Variants in SV2C observed in about 807,000 individuals in gnomAD.
SV2C encodes solute carrier family 22 member B3.
A neutral mutation model predicts 79.7 loss-of-function variants in SV2C; 49 were observed. The observed-to-expected ratio is 0.61, with a 90% CI of 0.49 to 0.78. SV2C has a LOEUF of 0.78. Among genes scored for constraint, SV2C ranks in the 30% least tolerant of loss-of-function variants. The pLI is 0.00. For synonymous variants in SV2C, 334 were observed against 333.2 expected (o/e 1.00, Z -0.03); for missense variants, 833 against 912.9 (o/e 0.91, Z 1.13).
intron 8 of SV2C, 91 bp from the exon 9 acceptor site, chr5:76,295,687 G>A (rs968388991): frequency 2.3e-6 from 3 of 1,284,312 alleles, no homozygotes; most frequent in Non-Finnish European, 3.2e-6. Context: ...CATTCTCCGG[G>A]AACTATTACC....
the SV2C span, among the ~76,000 whole-genome samples, chr5:75,978,470 T>C: frequency 1.3e-5 from 2 of 152,216 alleles, no homozygotes; most frequent in African/African-American, 2.4e-5. Context: ...CCATCAATTC[T>C]AAGACACACT....
the SV2C span, among the ~76,000 whole-genome samples, chr5:75,853,994 C>CAA: frequency 8.2e-5 from 10 of 121,648 alleles, no homozygotes; most frequent in South Asian, 5.8e-4. Context: ...CATCTATCAC[C>CAA]AAAAAAAAAA....
intron 1 of SV2C, among the ~76,000 whole-genome samples, chr5:76,110,440 A>T (rs192440241): frequency 6.6e-6 from 1 of 152,316 alleles, no homozygotes; most frequent in Non-Finnish European, 1.5e-5. Context: ...CTGCATTTTC[A>T]TATGAAGTTA....
intron 2 of SV2C, among the ~76,000 whole-genome samples, chr5:76,185,318 T>C (rs944974469): frequency 1.3e-5 from 2 of 152,220 alleles, no homozygotes; most frequent in South Asian, 2.1e-4. Context: ...TCTACCATTC[T>C]GGGTTCTGGA....
chr5:76,294,304 C>CTCT (rs1747667732), intron 8 of SV2C, among the ~76,000 whole-genome samples: 1 of 129,522 alleles, frequency 7.7e-6, no homozygotes, highest in Non-Finnish European at 1.6e-5. Context: ...TTCTCTCTCT[C>CTCT]TTTTTTTTTT....
chr5:76,256,018 T>C (rs1412738920), intron 4 of SV2C, among the ~76,000 whole-genome samples: 1 of 152,228 alleles, frequency 6.6e-6, no homozygotes, highest in Non-Finnish European at 1.5e-5. Flanking sequence ...GTTGTTTTTA[T>C]GAAATGCAAG....
chr5:76,085,326 A>G (rs1422841385), intron 1 of SV2C, among the ~76,000 whole-genome samples: 1 of 152,206 alleles, frequency 6.6e-6, no homozygotes, highest in Non-Finnish European at 1.5e-5. Context: ...AATATGCCGC[A>G]TTCCTCTTTC....
At chr5:75,906,315 T>G in the SV2C span, among the ~76,000 whole-genome samples, 1 of 152,162 alleles carries the variant, frequency 6.6e-6, no homozygotes, top group East Asian at 1.9e-4. Flanking sequence ...GCCAGGAAAT[T>G]TTCTTACCTC....
At chr5:76,191,227 A>G (rs976187806) in intron 2 of SV2C, among the ~76,000 whole-genome samples, 1 of 150,878 alleles carries the variant, frequency 6.6e-6, no homozygotes, top group African/African-American at 2.4e-5. Flanking sequence ...GAAAAGCAAA[A>G]GGGAAATCTA....
At chr5:76,231,168 C>A (rs556024688) in intron 4 of SV2C, among the ~76,000 whole-genome samples, 1 of 152,282 alleles carries the variant, frequency 6.6e-6, no homozygotes, top group African/African-American at 2.4e-5. Flanking sequence ...CCTTCAAAGA[C>A]CTAAGTGTTA....
the SV2C span, among the ~76,000 whole-genome samples, chr5:76,058,228 A>G: frequency 6.6e-6 from 1 of 152,088 alleles, no homozygotes; most frequent in Non-Finnish European, 1.5e-5. Context: ...GAGCTTCCTT[A>G]ATTGAAACGA....
At chr5:76,288,083 C>CA (rs36124813) in intron 6 of SV2C, among the ~76,000 whole-genome samples, 3,752 of 82,214 alleles carry the variant, frequency 0.046, 141 homozygotes, top group East Asian at 0.13. Flanking sequence ...GACTCCATCT[C>CA]AAAAAAAAAA....
chr5:76,030,367 C>T, the SV2C span, among the ~76,000 whole-genome samples: 1 of 142,142 alleles, frequency 7.0e-6, no homozygotes, highest in Admixed American at 7.4e-5. Flanking sequence ...TTTGCCCACA[C>T]ATCCAGAAAT....
At chr5:75,962,181 C>A in the SV2C span, among the ~76,000 whole-genome samples, 1 of 152,058 alleles carries the variant, frequency 6.6e-6, no homozygotes, top group Non-Finnish European at 1.5e-5. Context: ...TTATTCTGAG[C>A]CAATGCTAAG....
At chr5:75,851,707 C>G in the SV2C span, among the ~76,000 whole-genome samples, 2 of 152,188 alleles carry the variant, frequency 1.3e-5, no homozygotes, top group East Asian at 3.9e-4. Flanking sequence ...GTGGCGCGAT[C>G]TCGGCTCACT....
chr5:76,312,894 T>G (rs1483607454), intron 12 of SV2C, among the ~76,000 whole-genome samples: 1 of 152,246 alleles, frequency 6.6e-6, no homozygotes, highest in Non-Finnish European at 1.5e-5. Context: ...CTTGATGAGC[T>G]AAAATCAAAA....
rs533730872 is a variant in SV2C, at chr5:76,259,632, G to A, written c.914-25530G>A. On this transcript the variant is annotated intron_variant, in intron 4 of 12. Coordinates refer to ENST00000502798, the MANE Select transcript of SV2C (RefSeq NM_014979.4). ...ACCCCCAACAAACCTCAGTTGTGATGTTCCCCCTCCCTATGTTCATGTGTT... is the reference window on the plus strand; with the variant it reads ...ACCCCCAACAAACCTCAGTTGTGATATTCCCCCTCCCTATGTTCATGTGTT... 3.2e-4 allele frequency among the ~76,000 whole-genome samples: 47 copies of A among 148,576 alleles called. No homozygotes were observed. The South Asian group carries it at 9.8e-3, about 31-fold the overall frequency.
At chr5:76,169,775 C>A (rs572886534) in intron 2 of SV2C, among the ~76,000 whole-genome samples, 5 of 152,114 alleles carry the variant, frequency 3.3e-5, no homozygotes, top group African/African-American at 1.2e-4. Flanking sequence ...GAAAGGCAGC[C>A]CTCGAGGAAT....
At chr5:76,235,914 G>A (rs1006199846) in intron 4 of SV2C, among the ~76,000 whole-genome samples, 2 of 151,958 alleles carry the variant, frequency 1.3e-5, no homozygotes, top group South Asian at 2.1e-4. Flanking sequence ...TCCCCCCACC[G>A]GTTCTATATG....
Sources: gnomAD v4.1 joint callset for allele counts (sites outside exome capture counted in the v4.1 genomes callset) on GRCh38, gnomAD v4.1.1 for gene constraint, MANE v1.5 for transcripts, NCBI Gene and HGNC (gene_info 2026-07-23, HGNC 2026-07-21) for gene names.